The following ADAMTS17 variants were observed in gnomAD, a reference collection of about 807,000 sequenced individuals.
ADAMTS17 encodes the protein A disintegrin and metalloproteinase with thrombospondin motifs 17.
In ADAMTS17, 113 loss-of-function variants were observed where a neutral mutation model predicts 141.5. That is an observed-to-expected ratio of 0.80 (90% CI 0.69 to 0.93). The LOEUF is 0.93. ADAMTS17 is among the 40% of genes least tolerant of loss of function. The pLI is 0.00. For missense variants in ADAMTS17, 1,659 were observed against 1,517.9 expected (o/e 1.09, Z -1.54); for synonymous variants, 768 against 630.6 (o/e 1.22, Z -3.27).
At chr15:100,092,224 T>C (rs2035513497) in intron 15 of ADAMTS17, among the ~76,000 whole-genome samples, 1 of 152,198 alleles carries the variant, frequency 6.6e-6, no homozygotes, top group African/African-American at 2.4e-5. Flanking sequence ...AGCTTTAAAA[T>C]TGGTTTCATC....
intron 15 of ADAMTS17, among the ~76,000 whole-genome samples, chr15:100,066,301 T>C (rs1377862604): frequency 6.6e-6 from 1 of 152,206 alleles, no homozygotes; most frequent in African/African-American, 2.4e-5. Context: ...ACTGTTTTTC[T>C]CCCAAACCAT....
chr15:100,333,686 C>T (rs2046123140), intron 2 of ADAMTS17, among the ~76,000 whole-genome samples: 1 of 152,222 alleles, frequency 6.6e-6, no homozygotes, highest in African/African-American at 2.4e-5. Flanking sequence ...AAAAGCTGAG[C>T]AGGGCTTCTT....
chr15:100,233,643 G>A (rs890816135), intron 7 of ADAMTS17, among the ~76,000 whole-genome samples: 2 of 152,234 alleles, frequency 1.3e-5, no homozygotes, highest in African/African-American at 4.8e-5. Context: ...GCAAAGGACA[G>A]AGAAACACGC....
At chr15:100,109,879 C>T (rs1220453823) in intron 13 of ADAMTS17, among the ~76,000 whole-genome samples, 1 of 152,064 alleles carries the variant, frequency 6.6e-6, no homozygotes, top group Non-Finnish European at 1.5e-5. Flanking sequence ...TTCCCTCACG[C>T]CAGCTCTGAG....
At chr15:100,010,644 T>A (rs1008170157) in intron 18 of ADAMTS17, among the ~76,000 whole-genome samples, 2 of 152,212 alleles carry the variant, frequency 1.3e-5, no homozygotes, top group East Asian at 1.9e-4. Flanking sequence ...TCCTGGCAGA[T>A]GACAGCCAGC....
intron 8 of ADAMTS17, among the ~76,000 whole-genome samples, chr15:100,155,862 G>A (rs780382538): frequency 6.6e-6 from 1 of 152,112 alleles, no homozygotes; most frequent in African/African-American, 2.4e-5. Context: ...AGCTATACCT[G>A]AGACATACCA....
intron 4 of ADAMTS17, among the ~76,000 whole-genome samples, chr15:100,263,518 G>A (rs1388217335): frequency 6.6e-6 from 1 of 152,170 alleles, no homozygotes; most frequent in Non-Finnish European, 1.5e-5. Flanking sequence ...ACATCAAGCA[G>A]TCACAGCAAA....
chr15:100,013,997 G>A (rs2061238252), intron 18 of ADAMTS17, among the ~76,000 whole-genome samples: 3 of 152,162 alleles, frequency 2.0e-5, no homozygotes, highest in Admixed American at 2.0e-4. Context: ...GAATTCTGCT[G>A]TGAATCTGTC....
At chr15:100,051,486 C>T in intron 17 of ADAMTS17, 86 bp downstream of exon 17, 1 of 1,583,562 alleles carries the variant, frequency 6.3e-7, no homozygotes, top group Non-Finnish European at 8.6e-7. Context: ...GCAGATGTCT[C>T]ACACTCTGCG....
chr15:100,170,055 C>A (rs1448145292), intron 8 of ADAMTS17, among the ~76,000 whole-genome samples: 2 of 151,974 alleles, frequency 1.3e-5, no homozygotes, highest in Non-Finnish European at 1.5e-5. Flanking sequence ...CCCACATACA[C>A]CCGAGGCTAG....
intron 15 of ADAMTS17, among the ~76,000 whole-genome samples, chr15:100,091,101 C>T (rs1417343052): frequency 2.6e-5 from 4 of 151,392 alleles, no homozygotes; most frequent in African/African-American, 9.7e-5. Flanking sequence ...GAAACTGCCT[C>T]GAGCTCACAG....
At chr15:100,086,669 A>G (rs1373717636) in intron 15 of ADAMTS17, among the ~76,000 whole-genome samples, 2 of 151,990 alleles carry the variant, frequency 1.3e-5, no homozygotes, top group African/African-American at 4.8e-5. Flanking sequence ...ATCAAACTAG[A>G]ACTCAGGATT....
intron 8 of ADAMTS17, among the ~76,000 whole-genome samples, chr15:100,180,956 G>A (rs916220303): frequency 6.6e-6 from 1 of 152,140 alleles, no homozygotes; most frequent in Non-Finnish European, 1.5e-5. Flanking sequence ...CAAGAGCCAG[G>A]CACTGGAGTC....
intron 18 of ADAMTS17, among the ~76,000 whole-genome samples, chr15:100,019,354 A>G (rs2061355752): frequency 6.6e-6 from 1 of 152,208 alleles, no homozygotes; most frequent in South Asian, 2.1e-4. Flanking sequence ...TCTGTAACAT[A>G]TTATGACTTA....
Position 100,329,848 on chromosome 15 carries a change from G to A in ADAMTS17, c.616+1041C>T, listed in dbSNP as rs2045997515. Among the ~76,000 whole-genome samples, 4 of 152,106 alleles carry A rather than the reference G, an allele frequency of 2.6e-5. No homozygotes were observed. In the South Asian group the frequency reaches 8.3e-4, roughly 32 times the overall value. Reference sequence around the variant, plus strand: ...GCAGCTGAGCTCAACTGCAAAACTTGTTTACAAATAACAAGGTAATTCTAA... The same window carrying A: ...GCAGCTGAGCTCAACTGCAAAACTTATTTACAAATAACAAGGTAATTCTAA... On this transcript the variant is annotated intron_variant, in intron 3 of 21. Transcript: ENST00000268070.
intron 15 of ADAMTS17, among the ~76,000 whole-genome samples, chr15:100,069,480 G>C (rs2033810010): frequency 2.0e-5 from 3 of 152,140 alleles, no homozygotes; most frequent in Non-Finnish European, 4.4e-5. Flanking sequence ...AAAATGTTAA[G>C]GGCAGCCAGA....
chr15:100,089,992 T>TAA (rs71676052), intron 15 of ADAMTS17, among the ~76,000 whole-genome samples: 1 of 136,350 alleles, frequency 7.3e-6, no homozygotes, highest in African/African-American at 2.6e-5. Context: ...ATAATAAAAT[T>TAA]AAAAAAAAAA....
At chr15:100,162,233 G>A (rs1209660503) in intron 8 of ADAMTS17, among the ~76,000 whole-genome samples, 2 of 151,902 alleles carry the variant, frequency 1.3e-5, no homozygotes, top group Non-Finnish European at 2.9e-5. Flanking sequence ...ATATACATGG[G>A]ATTTTGATGT....
chr15:100,274,654 T>C (rs1011010930), intron 4 of ADAMTS17, among the ~76,000 whole-genome samples: 3 of 152,248 alleles, frequency 2.0e-5, no homozygotes, highest in African/African-American at 7.2e-5. Flanking sequence ...TGAAGTTTAA[T>C]TAATTTACAC....
Sources: allele counts gnomAD v4.1 joint callset (sites outside exome capture counted in the v4.1 genomes callset), GRCh38; gene constraint gnomAD v4.1.1; transcripts MANE v1.5; gene names NCBI Gene and HGNC (gene_info 2026-07-23, HGNC 2026-07-21).